PRKCE: variants seen among roughly 807,000 people sequenced by gnomAD.
The protein encoded by PRKCE is protein kinase C epsilon type.
PRKCE carries 16 observed loss-of-function variants against 85.4 expected under a neutral mutation model. That is an observed-to-expected ratio of 0.19 (90% CI 0.13 to 0.28). The LOEUF (loss-of-function observed/expected upper bound fraction) is 0.28. Ranked by LOEUF, PRKCE falls within the 10% of genes least tolerant of loss-of-function variation. PRKCE has a pLI of 1.00. For synonymous variants in PRKCE, 388 were observed against 371.5 expected, an observed-to-expected ratio of 1.04 and a Z score of -0.51; for missense variants, 573 against 975.2, an observed-to-expected ratio of 0.59 and a Z score of 5.49.
At chr2:45,662,947 G>A (rs1486553443) in intron 1 of PRKCE, among the ~76,000 whole-genome samples, 2 of 152,118 alleles carry the variant, frequency 1.3e-5, no homozygotes, top group African/African-American at 4.8e-5. Context: ...CTGCACTGAT[G>A]ATTATCTCAA....
chr2:46,054,211 A>G (rs575932739), intron 10 of PRKCE, among the ~76,000 whole-genome samples: 125 of 152,342 alleles, frequency 8.2e-4, no homozygotes, highest in Non-Finnish European at 7.5e-4. Flanking sequence ...CTTCTGTATT[A>G]CAGATAAGAA....
At chr2:45,772,935 C>T (rs369788860) in intron 1 of PRKCE, among the ~76,000 whole-genome samples, 17 of 152,132 alleles carry the variant, frequency 1.1e-4, no homozygotes, top group Admixed American at 3.9e-4. Flanking sequence ...TAGACTGGCC[C>T]GAATGGAGTG....
chr2:46,160,803 C>T (rs1311886319), intron 14 of PRKCE, among the ~76,000 whole-genome samples: 2 of 152,178 alleles, frequency 1.3e-5, no homozygotes, highest in African/African-American at 4.8e-5. Flanking sequence ...AGGAGATTTT[C>T]TGGGGAGCCG....
chr2:46,098,507 G>A (rs1272506316), intron 11 of PRKCE, among the ~76,000 whole-genome samples: 1 of 152,142 alleles, frequency 6.6e-6, no homozygotes, highest in Non-Finnish European at 1.5e-5. Context: ...TCTCAAAAAT[G>A]GGGATGAATG....
chr2:45,734,097 T>C (rs1466456020), intron 1 of PRKCE, among the ~76,000 whole-genome samples: 4 of 152,218 alleles, frequency 2.6e-5, no homozygotes, highest in Non-Finnish European at 2.9e-5. Context: ...CTGGGTGCGG[T>C]GGCTCACGCC....
intron 2 of PRKCE, among the ~76,000 whole-genome samples, chr2:45,963,853 A>G (rs1269914191): frequency 1.3e-5 from 2 of 152,226 alleles, no homozygotes; most frequent in Non-Finnish European, 2.9e-5. Flanking sequence ...CTGCCTTAGT[A>G]AAGAAGGAGT....
At chr2:45,667,275 C>T (rs1490741779) in intron 1 of PRKCE, among the ~76,000 whole-genome samples, 2 of 152,126 alleles carry the variant, frequency 1.3e-5, no homozygotes, top group Non-Finnish European at 2.9e-5. Context: ...CACACCACTG[C>T]ACTCCAGCCT....
At chr2:45,857,314 C>T (rs1362982315) in intron 2 of PRKCE, among the ~76,000 whole-genome samples, 1 of 152,174 alleles carries the variant, frequency 6.6e-6, no homozygotes, top group East Asian at 1.9e-4. Context: ...ATTACAAAAT[C>T]CCCTCACTAT....
intron 14 of PRKCE, among the ~76,000 whole-genome samples, chr2:46,175,396 A>G (rs576175752): frequency 6.6e-6 from 1 of 152,346 alleles, no homozygotes; most frequent in Non-Finnish European, 1.5e-5. Flanking sequence ...TGTTCTAACC[A>G]TACAGTTGTG....
chr2:45,812,884 T>G lies in PRKCE; in HGVS notation c.349-30116T>G, dbSNP rs75428056. On this transcript the variant is annotated intron_variant, in intron 1 of 14. Coordinates refer to ENST00000306156, the MANE Select transcript of PRKCE (RefSeq NM_005400.3). The stretch of plus-strand genomic sequence containing the variant: ...AAACAACACACATTAGCAAAAATAA[T>G]AGTCCGCCAGGAAAATGTTTATATA... Among the ~76,000 whole-genome samples the G allele has an allele frequency of 1.8e-3, 271 of 152,316 alleles. 1 individual carries two copies. The highest frequency in any genetic ancestry group is 5.8e-3 in the African/African-American group (242 of 41,564).
rs1438312314 is a variant in PRKCE at position 46,061,069 on chromosome 2, T to TTGTCTTTAATGATTTTC, written c.1438-25137_1438-25121dup. 2.6e-3 allele frequency among the ~76,000 whole-genome samples: 399 copies of TTGTCTTTAATGATTTTC among 151,658 alleles called. 1 individual carries two copies. The highest frequency in any genetic ancestry group is 9.3e-3 in the African/African-American group (384 of 41,284). The stretch of plus-strand genomic sequence containing the variant: ...GAGCAACTGCGTCCGGCCAGATTTT[T>TTGTCTTTAATGATTTTC]TGTCTTTAATGATTTTCTTTTCTTC... On this transcript the variant is annotated intron_variant, in intron 10 of 14. Coordinates refer to ENST00000306156, the MANE Select transcript of PRKCE (RefSeq NM_005400.3).
chr2:46,135,739 A>C lies in PRKCE; in HGVS notation c.1593-9354A>C, dbSNP rs914943418. ...AAAATTTACCTTGGGTTCAGAAACAAATTATGCTTTTTTTTTTTTTTTTTT... is the reference window on the plus strand; with the variant it reads ...AAAATTTACCTTGGGTTCAGAAACACATTATGCTTTTTTTTTTTTTTTTTT... On this transcript the variant is annotated intron_variant, in intron 11 of 14. Coordinates refer to ENST00000306156, the MANE Select transcript of PRKCE (RefSeq NM_005400.3). Among the ~76,000 whole-genome samples, 20 of 60,772 alleles carry C rather than the reference A, an allele frequency of 3.3e-4. 1 individual carries two copies. Among genetic ancestry groups the C allele is most frequent in the African/African-American group, 1.2e-3 (20 of 16,294 alleles). The allele number at this position is 60,772 out of a possible 152,430, so 39.9% of individuals were successfully genotyped here. A position where few individuals can be genotyped will look rare whatever the true frequency, so the allele number is the denominator to read the frequency against.
intron 10 of PRKCE, among the ~76,000 whole-genome samples, chr2:46,066,079 T>G (rs1667599809): frequency 6.6e-6 from 1 of 152,232 alleles, no homozygotes; most frequent in Non-Finnish European, 1.5e-5. Flanking sequence ...ATTTTAACCT[T>G]GGCATCTCCC....
chr2:45,656,027 G>A (rs973897248), intron 1 of PRKCE, among the ~76,000 whole-genome samples: 1 of 152,170 alleles, frequency 6.6e-6, no homozygotes, highest in Admixed American at 6.5e-5. Context: ...TGTAGTCAGG[G>A]TTGGAGAATG....
At chr2:45,913,189 C>T (rs919015883) in intron 2 of PRKCE, among the ~76,000 whole-genome samples, 20 of 152,328 alleles carry the variant, frequency 1.3e-4, no homozygotes, top group African/African-American at 4.6e-4. Flanking sequence ...CTTTGTTACC[C>T]AGGCTGGAGT....
At chr2:46,037,024 C>T (rs1707906661) in intron 10 of PRKCE, among the ~76,000 whole-genome samples, 1 of 152,212 alleles carries the variant, frequency 6.6e-6, no homozygotes, top group South Asian at 2.1e-4. Flanking sequence ...ACGGACCCTC[C>T]TCCTCGCCTG....
At chr2:45,968,818 A>G (rs1325458155) in intron 2 of PRKCE, among the ~76,000 whole-genome samples, 1 of 151,934 alleles carries the variant, frequency 6.6e-6, no homozygotes, top group South Asian at 2.1e-4. Flanking sequence ...GAAAACTTCA[A>G]TGACCAGACT....
intron 2 of PRKCE, among the ~76,000 whole-genome samples, chr2:45,918,116 G>A (rs974440443): frequency 2.0e-5 from 3 of 152,270 alleles, no homozygotes; most frequent in South Asian, 4.1e-4. Flanking sequence ...CCAGAAAGGG[G>A]CTCCCAGAGT....
chr2:45,666,070 T>A (rs1168884602), intron 1 of PRKCE, among the ~76,000 whole-genome samples: 2 of 152,172 alleles, frequency 1.3e-5, no homozygotes, highest in African/African-American at 2.4e-5. Flanking sequence ...ACAGGACCGC[T>A]TCCTTCTCCT....
Sources: gnomAD v4.1 joint callset for allele counts (sites outside exome capture counted in the v4.1 genomes callset) on GRCh38, gnomAD v4.1.1 for gene constraint, MANE v1.5 for transcripts, NCBI Gene and HGNC (gene_info 2026-07-23, HGNC 2026-07-21) for gene names.